Variants in FBXO7 observed in about 807,000 individuals in gnomAD.
The protein encoded by FBXO7 is F-box only protein 7.
A neutral mutation model predicts 50.2 loss-of-function variants in FBXO7; 31 were observed. That is an observed-to-expected ratio of 0.62 (90% CI 0.46 to 0.83). The LOEUF (loss-of-function observed/expected upper bound fraction) is 0.83, where lower values mean the gene tolerates loss of function less well. Ranked by LOEUF, FBXO7 falls within the 40% of genes least tolerant of loss-of-function variation. The pLI is 0.00. For missense variants in FBXO7, 667 were observed against 646.6 expected (o/e 1.03, Z -0.34); for synonymous variants, 256 against 253.1 (o/e 1.01, Z -0.11).
At chr22:32,483,311 T>C (rs1441701048) in intron 2 of FBXO7, among the ~76,000 whole-genome samples, 3 of 152,232 alleles carry the variant, frequency 2.0e-5, no homozygotes, top group Non-Finnish European at 2.9e-5. Flanking sequence ...TCCACACTTA[T>C]TCCGTGTGCA....
intron 2 of FBXO7, among the ~76,000 whole-genome samples, chr22:32,481,772 T>C (rs1444404191): frequency 1.3e-5 from 2 of 152,192 alleles, no homozygotes; most frequent in African/African-American, 4.8e-5. Context: ...GAGAAACGGG[T>C]AGCAGGTATC....
intron 6 of FBXO7, 173 bp downstream of exon 6, chr22:32,491,354 T>C (rs1184595488): frequency 1.7e-6 from 1 of 573,472 alleles, no homozygotes; most frequent in Non-Finnish European, 3.1e-6. Flanking sequence ...TCTTTGTATC[T>C]CCATGCCATT....
chr22:32,475,229 G>T (rs1395168026), intron 1 of FBXO7, 105 bp downstream of exon 1: 2 of 1,517,848 alleles, frequency 1.3e-6, no homozygotes, highest in African/African-American at 2.8e-5. Context: ...GGGCGTGGCC[G>T]GGCGATAGGC....
intron 4 of FBXO7, among the ~76,000 whole-genome samples, chr22:32,486,249 T>C (rs926809220): frequency 2.0e-5 from 3 of 150,798 alleles, no homozygotes; most frequent in Admixed American, 1.3e-4. Context: ...TTTTTTTTCC[T>C]GCTAAAATCT....
At chr22:32,495,026 G>A (rs2057563587) in intron 7 of FBXO7, among the ~76,000 whole-genome samples, 1 of 152,236 alleles carries the variant, frequency 6.6e-6, no homozygotes, top group South Asian at 2.1e-4. Flanking sequence ...AGAAAGTAGT[G>A]TAACCAGAAT....
chr22:32,491,906 T>C (rs2057540045), intron 6 of FBXO7: 1 of 152,168 alleles, frequency 6.6e-6, no homozygotes, highest in Non-Finnish European at 1.5e-5. Context: ...CTCGTGTACA[T>C]GTTGTGTGTG....
At chr22:32,485,025 C>A in intron 3 of FBXO7, 43 bp from the exon 4 acceptor site, 1 of 1,613,484 alleles carries the variant, frequency 6.2e-7, no homozygotes, top group Non-Finnish European at 8.5e-7. Flanking sequence ...TTGAGAGTAA[C>A]ACCTTTCTTC....
intron 5 of FBXO7, chr22:32,489,540 A>G (rs1167808390): frequency 6.6e-6 from 1 of 152,208 alleles, no homozygotes; most frequent in African/African-American, 2.4e-5. Context: ...GAGGAGGCTC[A>G]CTTACTTAAG....
intron 7 of FBXO7, among the ~76,000 whole-genome samples, chr22:32,494,152 T>A (rs2057557341): frequency 6.7e-6 from 1 of 150,264 alleles, no homozygotes; most frequent in East Asian, 2.0e-4. Context: ...GTCATTTGGA[T>A]TGCTAAAATT....
intron 1 of FBXO7, chr22:32,475,329 G>T (rs1424722622): frequency 6.2e-7 from 1 of 1,607,890 alleles, no homozygotes; most frequent in African/African-American, 1.3e-5. Context: ...CGGGAAGCGC[G>T]GGTGGTCGGC....
In FBXO7 at chr22:32,498,421, C is replaced by G. The variant is rs146238351; in HGVS notation, c.1460C>G (p.Pro487Arg). The G allele has an allele frequency of 1.2e-6, 2 of 1,614,192 alleles. No homozygotes were observed. Among genetic ancestry groups the G allele is most frequent in the Admixed American group, 3.3e-5 (2 of 60,022 alleles). Residue 487 changes from proline (P) to arginine (R), a missense_variant, in exon 9 of 9, where the codon CCA becomes CGA. Pro to Arg is a moderately radical substitution (Grantham distance 103). Transcript: ENST00000266087. Reference sequence around the variant, plus strand: ...AGACCACGCTTTGATCCAGTTGGCCCACTTCCAGGACCTAACCCCATCTTG... The same window carrying G: ...AGACCACGCTTTGATCCAGTTGGCCGACTTCCAGGACCTAACCCCATCTTG... ...PLRPRFDPVGPLPGPNPILPG... is the reference protein window; with the variant it reads ...PLRPRFDPVGRLPGPNPILPG...
rs527607556 is a variant in FBXO7, at chr22:32,498,776, T to C, written c.*246T>C. 17 of 559,646 alleles carry C rather than the reference T, an allele frequency of 3.0e-5. No homozygotes were observed. Among genetic ancestry groups the C allele is most frequent in the Non-Finnish European group, 5.1e-5 (16 of 313,758 alleles). The allele number at this position is 559,646 out of a possible 1,614,324, so 34.7% of individuals were successfully genotyped here. On this transcript the variant is annotated 3_prime_UTR_variant, in exon 9 of 9. Coordinates refer to ENST00000266087, the MANE Select transcript of FBXO7 (RefSeq NM_012179.4). The stretch of plus-strand genomic sequence containing the variant: ...TCCCTGCTCTTGGTTCTCCTCTAGA[T>C]TGAAGTTTGTTTTCTGATGCTGTTC...
In FBXO7 at chr22:32,487,786, T is replaced by G. The variant is rs1399709500; in HGVS notation, c.829T>G (p.Leu277Val). 4 of 1,610,320 alleles carry G rather than the reference T, an allele frequency of 2.5e-6. No homozygotes were observed. The highest frequency in any genetic ancestry group is 3.4e-6 in the Non-Finnish European group (4 of 1,177,184). Residue 277 changes from leucine to valine, a missense_variant, in exon 5 of 9, where the codon TTG becomes GTG. By Grantham distance (32) the Leu-to-Val change is conservative (BLOSUM62 1). Transcript: ENST00000266087. ...INNEIRSVKRLQLLPESFICK... is the reference protein window; with the variant it reads ...INNEIRSVKRVQLLPESFICK... Reference sequence around the variant, plus strand: ...CAATGAGATTAGAAGTGTGAAAAGATTGCAGCTGCTACCAGAATCTTTTAT... The same window carrying G: ...CAATGAGATTAGAAGTGTGAAAAGAGTGCAGCTGCTACCAGAATCTTTTAT...
chr22:32,493,389 T>G lies in FBXO7; in HGVS notation c.1144+108T>G. On this transcript the variant is annotated intron_variant, in intron 7 of 8. Transcript: ENST00000266087. Reference sequence around the variant, plus strand: ...ATTTTTCTGTTGCAAATGATTACAATAAATAGCCTTAAAGAGACTGACTCT... The same window carrying G: ...ATTTTTCTGTTGCAAATGATTACAAGAAATAGCCTTAAAGAGACTGACTCT... The G allele has an allele frequency of 3.5e-6, 3 of 863,214 alleles. No individual in the cohort carries two copies. The South Asian group carries it at 4.1e-5, about 12-fold the overall frequency. The allele number at this position is 863,214 out of a possible 1,614,324, so 53.5% of individuals were successfully genotyped here. A position where few individuals can be genotyped will look rare whatever the true frequency, so the allele number is the denominator to read the frequency against.
At chr22:32,481,271 T>C (rs973035208) in intron 2 of FBXO7, among the ~76,000 whole-genome samples, 1 of 152,232 alleles carries the variant, frequency 6.6e-6, no homozygotes, top group Non-Finnish European at 1.5e-5. Flanking sequence ...AGAGGTAAAC[T>C]GGGGAATGAG....
intron 1 of FBXO7, among the ~76,000 whole-genome samples, chr22:32,477,019 A>G (rs986309433): frequency 4.6e-5 from 7 of 152,188 alleles, no homozygotes; most frequent in African/African-American, 1.7e-4. Flanking sequence ...TGCTGTGACA[A>G]ATGACCCATA....
intron 5 of FBXO7, chr22:32,488,046 T>G (rs1004514730): frequency 5.8e-6 from 3 of 513,766 alleles, no homozygotes; most frequent in African/African-American, 5.8e-5. Flanking sequence ...CTTAGGGTCA[T>G]AGTGTGCTGA....
intron 4 of FBXO7, among the ~76,000 whole-genome samples, chr22:32,486,169 G>A (rs2057497194): frequency 6.6e-6 from 1 of 151,876 alleles, no homozygotes; most frequent in South Asian, 2.1e-4. Flanking sequence ...TAAACCTTGA[G>A]CAGCAAAATG....
Position 32,479,749 on chromosome 22 carries a change from A to C in FBXO7, c.417+474A>C, listed in dbSNP as rs538111942. Among the ~76,000 whole-genome samples the C allele has an allele frequency of 2.6e-5, 4 of 152,244 alleles. 1 individual carries two copies. Among genetic ancestry groups the C allele is most frequent in the African/African-American group, 7.2e-5 (3 of 41,558 alleles). On this transcript the variant is annotated intron_variant, in intron 2 of 8. Coordinates refer to ENST00000266087, the MANE Select transcript of FBXO7 (RefSeq NM_012179.4). ...TTTTAACTGCCAAATGCCTGTACCAATATGGGGCTGGCATCCCAAAGTACC... is the reference window on the plus strand; with the variant it reads ...TTTTAACTGCCAAATGCCTGTACCACTATGGGGCTGGCATCCCAAAGTACC...
Sources: allele counts gnomAD v4.1 joint callset (sites outside exome capture counted in the v4.1 genomes callset), GRCh38; gene constraint gnomAD v4.1.1; transcripts MANE v1.5; gene names NCBI Gene and HGNC (gene_info 2026-07-23, HGNC 2026-07-21).